Variants in WDFY1 observed in about 807,000 individuals in gnomAD.
WDFY1 encodes WD repeat and FYVE domain containing 1.
In WDFY1, 32 loss-of-function variants were observed where a neutral mutation model predicts 56.4. The ratio of observed to expected loss-of-function variants is 0.57; its 90% CI spans 0.43 to 0.76. WDFY1 has a LOEUF of 0.76. WDFY1 is among the 30% of genes least tolerant of loss of function. The pLI, the probability that WDFY1 is intolerant of heterozygous loss-of-function variation, is 0.00. For missense variants in WDFY1, 480 were observed against 545.7 expected (o/e 0.88, Z 1.20); for synonymous variants, 192 against 197.3 (o/e 0.97, Z 0.23).
chr2:223,895,352 CAGAA>C lies in WDFY1; in HGVS notation c.725+148_725+151del, dbSNP rs1438152980. The C allele has an allele frequency of 2.6e-6, 3 of 1,144,562 alleles. No individual in the cohort carries two copies. In the African/African-American group the frequency reaches 4.6e-5, roughly 18 times the overall value. 70.9% of individuals were successfully genotyped at this position (1,144,562 alleles called of 1,614,324 possible). On this transcript the variant is annotated intron_variant, in intron 7 of 11. Coordinates refer to ENST00000233055, the MANE Select transcript of WDFY1 (RefSeq NM_020830.5). ...CTAAACATCAGACACTCGGGGCTGACAGAAAGCAGTTAAAAGTGAACTGAGCCCT... is the reference window on the plus strand; with the variant it reads ...CTAAACATCAGACACTCGGGGCTGACAGCAGTTAAAAGTGAACTGAGCCCT...
intron 8 of WDFY1, among the ~76,000 whole-genome samples, chr2:223,890,291 G>C (rs986104770): frequency 2.0e-5 from 3 of 152,164 alleles, no homozygotes; most frequent in African/African-American, 7.2e-5. Flanking sequence ...GGCCAACATG[G>C]TGAAACCCTG....
rs895540859 is a variant in WDFY1, at chr2:223,895,513, T to C, written c.716A>G (p.Gln239Arg). The C allele has an allele frequency of 1.3e-5, 21 of 1,613,962 alleles. No homozygotes were observed. The highest frequency in any genetic ancestry group is 1.7e-5 in the Non-Finnish European group (20 of 1,179,894). ...ACAAGTGGTCACGCACTGATGGCCC[T>C]GAAGTAACAGCGTCCGGCCTTTCCT... ...GGRKGRTLLL[Q>R]GHHDKVQSLC... The change falls in exon 7 of 12, where the codon CAG becomes CGG. Residue 239 changes from glutamine (Q) to arginine (R), a missense_variant. Coordinates refer to ENST00000233055, the MANE Select transcript of WDFY1 (RefSeq NM_020830.5).
chr2:223,894,685 A>G lies in WDFY1; in HGVS notation c.726-346T>C, dbSNP rs146264854. Reference sequence around the variant, plus strand: ...GTTCAGAAACAAGAACGAAGGAGGTATAACTCCCCTACTGACCACAATTCA... The same window carrying G: ...GTTCAGAAACAAGAACGAAGGAGGTGTAACTCCCCTACTGACCACAATTCA... On this transcript the variant is annotated intron_variant, in intron 7 of 11. Coordinates refer to ENST00000233055, the MANE Select transcript of WDFY1 (RefSeq NM_020830.5). Among the ~76,000 whole-genome samples the G allele has an allele frequency of 1.4e-3, 207 of 152,316 alleles. 1 individual carries two copies. The highest frequency in any genetic ancestry group is 4.9e-3 in the Admixed American group (75 of 15,294).
chr2:223,896,169 A>C (rs1382191902), intron 6 of WDFY1, among the ~76,000 whole-genome samples: 1 of 146,342 alleles, frequency 6.8e-6, no homozygotes, highest in African/African-American at 2.6e-5. Context: ...AAAAAAAAAA[A>C]AAAAAAAAAA....
intron 8 of WDFY1, among the ~76,000 whole-genome samples, chr2:223,891,874 T>C (rs1274503553): frequency 1.3e-5 from 2 of 152,184 alleles, no homozygotes; most frequent in Non-Finnish European, 2.9e-5. Context: ...CAAGAACAGT[T>C]TACTAGCTTT....
chr2:223,894,085 C>T (rs1437702513), intron 8 of WDFY1, 149 bp downstream of exon 8: 5 of 684,680 alleles, frequency 7.3e-6, no homozygotes, highest in Non-Finnish European at 5.0e-6. Flanking sequence ...ACACAAAGGA[C>T]CTTGTCAGAA....
chr2:223,917,832 A>C, intron 2 of WDFY1, 111 bp downstream of exon 2: 1 of 1,308,932 alleles, frequency 7.6e-7, no homozygotes. Context: ...TTGGCCTCTC[A>C]AAGTGCTGGG....
chr2:223,931,413 G>C (rs1245481182), intron 1 of WDFY1, among the ~76,000 whole-genome samples: 3 of 152,148 alleles, frequency 2.0e-5, no homozygotes, highest in Non-Finnish European at 4.4e-5. Flanking sequence ...GTTTATTCCA[G>C]GGAGATTAAT....
At position 223,878,674 on chromosome 2, in the gene WDFY1, G is replaced by C; in HGVS notation, c.1230C>G (p.His410Gln). 6.2e-7 allele frequency: 1 copy of C among 1,613,656 alleles called. No individual in the cohort carries two copies. Among genetic ancestry groups the C allele is most frequent in the Non-Finnish European group, 8.5e-7 (1 of 1,179,550 alleles). The change falls in exon 12 of 12, where the codon CAC (histidine) becomes CAG (glutamine). Residue 410 changes from histidine to glutamine, a missense_variant. Physicochemically the swap from His to Gln is conservative, Grantham distance 24. Coordinates refer to ENST00000233055, the MANE Select transcript of WDFY1 (RefSeq NM_020830.5). The part of the protein sequence containing the change: ...GCSLATGFSP[H>Q] ...TGGACGCCGCCCAGCTCTCAGATCA[G>C]TGCGGAGAAAACCCAGTCGCCAGAC...
At chr2:223,903,094 C>T (rs919432013) in intron 4 of WDFY1, among the ~76,000 whole-genome samples, 19 of 152,126 alleles carry the variant, frequency 1.2e-4, no homozygotes. Context: ...TAAACTCTCA[C>T]TTGGCAAAAT....
At chr2:223,887,460 GT>G (rs1207802249) in intron 8 of WDFY1, among the ~76,000 whole-genome samples, 7 of 152,214 alleles carry the variant, frequency 4.6e-5, no homozygotes, top group Non-Finnish European at 8.8e-5. Context: ...ATAGATGAAA[GT>G]TTGTTCCCGT....
chr2:223,912,141 A>C (rs2106088946), intron 3 of WDFY1, 112 bp downstream of exon 3: 2 of 1,121,402 alleles, frequency 1.8e-6, no homozygotes, highest in Admixed American at 5.4e-5. Context: ...CATGCCAAAC[A>C]ATCGAGCATC....
chr2:223,881,955 T>C lies in WDFY1; in HGVS notation c.1051A>G (p.Ile351Val). ...VRVCDSCYDS[I>V]KDEDRTSLAT... ...GCAAACACTCACTCTTCATCTTTGA[T>C]GGAGTCGTAACAAGAATCACAAACC... The change falls in exon 10 of 12, where the codon ATC (isoleucine) becomes GTC (valine). Residue 351 changes from isoleucine (I) to valine (V), a missense_variant. Physicochemically the swap from Ile to Val is conservative, Grantham distance 29. Transcript: ENST00000233055. The C allele has an allele frequency of 1.2e-6, 2 of 1,613,748 alleles. No individual in the cohort carries two copies. The highest frequency in any genetic ancestry group is 1.7e-6 in the Non-Finnish European group (2 of 1,179,730).
chr2:223,909,482 A>G (rs1457164852), intron 3 of WDFY1, among the ~76,000 whole-genome samples: 1 of 151,924 alleles, frequency 6.6e-6, no homozygotes, highest in Admixed American at 6.6e-5. Flanking sequence ...TGACCTGATG[A>G]TGATGCCCTC....
intron 1 of WDFY1, among the ~76,000 whole-genome samples, chr2:223,942,511 C>A (rs1466396840): frequency 6.9e-6 from 1 of 144,186 alleles, no homozygotes; most frequent in African/African-American, 2.6e-5. Flanking sequence ...AGCCACTGCG[C>A]CTGGCCAAAG....
intron 3 of WDFY1, among the ~76,000 whole-genome samples, chr2:223,908,623 T>C (rs1398305818): frequency 6.6e-6 from 1 of 152,128 alleles, no homozygotes; most frequent in Non-Finnish European, 1.5e-5. Flanking sequence ...ACCTTGGCCC[T>C]CTGCTTTTCT....
chr2:223,886,729 T>TTA (rs1553535494), intron 8 of WDFY1, among the ~76,000 whole-genome samples: 7 of 95,626 alleles, frequency 7.3e-5, no homozygotes, highest in Admixed American at 2.9e-4. Context: ...AAACTCCGTC[T>TTA]AAAAAAAAAA....
intron 6 of WDFY1, among the ~76,000 whole-genome samples, chr2:223,896,146 ACT>A (rs1314678402): frequency 1.2e-4 from 15 of 121,996 alleles, no homozygotes; most frequent in Admixed American, 1.2e-3. Flanking sequence ...ACAGAGTGAG[ACT>A]CTGTCTCAAA....
chr2:223,933,064 CAG>C (rs1369455150), intron 1 of WDFY1, among the ~76,000 whole-genome samples: 1 of 152,096 alleles, frequency 6.6e-6, no homozygotes, highest in Non-Finnish European at 1.5e-5. Flanking sequence ...CCTTTGGTAA[CAG>C]GGAGAGAAAA....
Sources: gnomAD v4.1 joint callset for allele counts (sites outside exome capture counted in the v4.1 genomes callset) on GRCh38, gnomAD v4.1.1 for gene constraint, MANE v1.5 for transcripts, NCBI Gene and HGNC (gene_info 2026-07-23, HGNC 2026-07-21) for gene names.